GPC6: variants seen among roughly 807,000 people sequenced by gnomAD.
GPC6 encodes the protein glypican 6.
Under a neutral mutation model 55.2 loss-of-function variants are expected in GPC6, and 14 were observed. The observed-to-expected ratio is 0.25, with a 90% CI of 0.17 to 0.40. The LOEUF (loss-of-function observed/expected upper bound fraction) is 0.40. Among genes scored for constraint, GPC6 ranks in the 10% least tolerant of loss-of-function variants. The pLI is 1.00. For synonymous variants in GPC6, 278 were observed against 259.6 expected (o/e 1.07, Z -0.68); for missense variants, 641 against 708.5 (o/e 0.90, Z 1.08).
chr13:94,155,536 G>A (rs193208869), intron 4 of GPC6, among the ~76,000 whole-genome samples: 26 of 152,244 alleles, frequency 1.7e-4, no homozygotes, highest in African/African-American at 6.0e-4. Context: ...TTTATCAAAT[G>A]TAGATCCCCA....
At chr13:93,812,196 C>T (rs1886717702) in intron 2 of GPC6, among the ~76,000 whole-genome samples, 1 of 151,056 alleles carries the variant, frequency 6.6e-6, no homozygotes, top group African/African-American at 2.4e-5. Flanking sequence ...CAAGACCAGA[C>T]TGGCCAACAT....
intron 3 of GPC6, among the ~76,000 whole-genome samples, chr13:93,942,255 G>T (rs533201230): frequency 6.6e-6 from 1 of 152,266 alleles, no homozygotes; most frequent in South Asian, 2.1e-4. Context: ...TTTCTGAAGG[G>T]TTCTGTGAGT....
chr13:93,739,621 G>A (rs1357375228), intron 2 of GPC6, among the ~76,000 whole-genome samples: 2 of 151,878 alleles, frequency 1.3e-5, no homozygotes, highest in Non-Finnish European at 2.9e-5. Context: ...AGTAGAGACG[G>A]AGTTTCACCT....
At chr13:94,371,715 C>T (rs116541633) in intron 6 of GPC6, among the ~76,000 whole-genome samples, 4,853 of 152,118 alleles carry the variant, frequency 0.032, 103 homozygotes, top group Middle Eastern at 0.082. Context: ...TTATTTTTAA[C>T]TTTTTCAATA....
intron 1 of GPC6, among the ~76,000 whole-genome samples, chr13:93,510,997 A>ATGTG (rs1279972391): frequency 2.2e-3 from 98 of 44,254 alleles, no homozygotes; most frequent in Middle Eastern, 0.011. Flanking sequence ...GTATATATAT[A>ATGTG]TATATATATT....
intron 1 of GPC6, among the ~76,000 whole-genome samples, chr13:93,535,403 A>G (rs1323068808): frequency 6.6e-6 from 1 of 152,180 alleles, no homozygotes; most frequent in Non-Finnish European, 1.5e-5. Flanking sequence ...ACAGCAAAGT[A>G]GCTGCCATGA....
intron 2 of GPC6, among the ~76,000 whole-genome samples, chr13:93,828,946 T>C (rs531963699): frequency 1.8e-4 from 28 of 152,078 alleles, no homozygotes; most frequent in Non-Finnish European, 4.0e-4. Context: ...AATGGAGAGG[T>C]GTTCGTCACT....
intron 4 of GPC6, among the ~76,000 whole-genome samples, chr13:94,138,827 AACAG>A (rs1036131714): frequency 1.3e-5 from 2 of 152,130 alleles, no homozygotes; most frequent in African/African-American, 4.8e-5. Flanking sequence ...CTGAGTACCT[AACAG>A]GTACCCAATA....
chr13:93,675,987 G>A (rs1443129462), intron 2 of GPC6, among the ~76,000 whole-genome samples: 1 of 151,254 alleles, frequency 6.6e-6, no homozygotes, highest in Non-Finnish European at 1.5e-5. Flanking sequence ...AATGGTGCCA[G>A]AGGCCAGGTG....
At chr13:93,773,832 C>T (rs1322972703) in intron 2 of GPC6, among the ~76,000 whole-genome samples, 1 of 152,128 alleles carries the variant, frequency 6.6e-6, no homozygotes, top group African/African-American at 2.4e-5. Flanking sequence ...TCAGATTCAT[C>T]AAAAAGGAAT....
chr13:93,976,667 C>G (rs1215050742), intron 3 of GPC6, among the ~76,000 whole-genome samples: 1 of 151,412 alleles, frequency 6.6e-6, no homozygotes, highest in African/African-American at 2.4e-5. Context: ...CTTGCTGTGA[C>G]TAGAAGCTCA....
intron 4 of GPC6, among the ~76,000 whole-genome samples, chr13:94,264,982 C>T (rs543697789): frequency 2.5e-4 from 38 of 152,284 alleles, no homozygotes; most frequent in African/African-American, 9.1e-4. Flanking sequence ...ATGGGGGAAA[C>T]TGCTCCCATG....
intron 1 of GPC6, among the ~76,000 whole-genome samples, chr13:93,409,769 G>A (rs970378271): frequency 2.6e-5 from 4 of 152,154 alleles, no homozygotes; most frequent in Non-Finnish European, 4.4e-5. Context: ...AATTGTAAAC[G>A]TTTTCAATTA....
intron 6 of GPC6, among the ~76,000 whole-genome samples, chr13:94,307,753 T>C (rs779580144): frequency 8.5e-5 from 13 of 152,250 alleles, no homozygotes; most frequent in Non-Finnish European, 1.6e-4. Context: ...TTATATTGTT[T>C]AAATTTTACT....
In GPC6 at chr13:93,479,915, T is replaced by G. The variant is rs555431864; in HGVS notation, c.161-65348T>G. Among the ~76,000 whole-genome samples the G allele has an allele frequency of 3.3e-5, 5 of 152,312 alleles. No homozygotes were observed. The South Asian group carries it at 1.0e-3, about 32-fold the overall frequency. ...CCTGGCCATATCTCTATGGTTTAAT[T>G]CATTCTGGAAACAAATAAATGAGAC... is the stretch of plus-strand genomic sequence containing the variant. On this transcript the variant is annotated intron_variant, in intron 1 of 8. Coordinates refer to ENST00000377047, the MANE Select transcript of GPC6 (RefSeq NM_005708.5).
chr13:93,668,732 G>T (rs1160414182), intron 2 of GPC6, among the ~76,000 whole-genome samples: 3 of 152,148 alleles, frequency 2.0e-5, no homozygotes, highest in Admixed American at 6.6e-5. Flanking sequence ...CCTCCTGAGG[G>T]AGCTCAGCCT....
intron 6 of GPC6, among the ~76,000 whole-genome samples, chr13:94,355,843 G>A (rs113244292): frequency 0.047 from 7,093 of 152,228 alleles, 242 homozygotes; most frequent in East Asian, 0.074. Context: ...ATAGGTAAAC[G>A]TGTGCCATAG....
chr13:93,443,985 A>G (rs992056835), intron 1 of GPC6, among the ~76,000 whole-genome samples: 4 of 152,158 alleles, frequency 2.6e-5, no homozygotes, highest in African/African-American at 9.7e-5. Context: ...GGGAGAGATT[A>G]TGGGATTCTA....
chr13:94,117,154 A>G (rs1192776110), intron 4 of GPC6, among the ~76,000 whole-genome samples: 1 of 152,132 alleles, frequency 6.6e-6, no homozygotes, highest in Non-Finnish European at 1.5e-5. Flanking sequence ...CATTCTGCCT[A>G]ATAATAAGAC....
Sources: allele counts gnomAD v4.1 joint callset (sites outside exome capture counted in the v4.1 genomes callset), GRCh38; gene constraint gnomAD v4.1.1; transcripts MANE v1.5; gene names NCBI Gene and HGNC (gene_info 2026-07-23, HGNC 2026-07-21).